Variants in DLGAP2 observed in about 807,000 individuals in gnomAD.
DLGAP2 encodes the protein disks large-associated protein 2.
Under a neutral mutation model 100.3 loss-of-function variants are expected in DLGAP2, and 26 were observed. That is an observed-to-expected ratio of 0.26 (90% CI 0.19 to 0.36). The LOEUF (loss-of-function observed/expected upper bound fraction) is 0.36, where lower values mean the gene tolerates loss of function less well. Ranked by LOEUF, DLGAP2 falls within the 10% of genes least tolerant of loss-of-function variation. DLGAP2 has a pLI of 1.00. For missense variants in DLGAP2, 1,858 were observed against 1,453.2 expected (o/e 1.28, Z -4.53); for synonymous variants, 886 against 630.1 (o/e 1.41, Z -6.08).
At chr8:1,135,590 G>A (rs894705993) in intron 2 of DLGAP2, among the ~76,000 whole-genome samples, 19 of 147,136 alleles carry the variant, frequency 1.3e-4, no homozygotes, top group Admixed American at 4.2e-4. Flanking sequence ...GAGACGGAGC[G>A]TGGCACACCT....
intron 3 of DLGAP2, among the ~76,000 whole-genome samples, chr8:1,448,838 T>G (rs1013220570): frequency 6.6e-6 from 1 of 152,206 alleles, no homozygotes; most frequent in African/African-American, 2.4e-5. Flanking sequence ...TGGAAAGATT[T>G]GGAGAAAGCC....
chr8:837,071 G>A (rs987133950), intron 1 of DLGAP2, among the ~76,000 whole-genome samples: 2 of 152,202 alleles, frequency 1.3e-5, no homozygotes, highest in African/African-American at 2.4e-5. Context: ...TCTCGACCAC[G>A]TCCCATCTCC....
At chr8:878,136 C>A (rs1563075419) in intron 1 of DLGAP2, among the ~76,000 whole-genome samples, 1 of 152,156 alleles carries the variant, frequency 6.6e-6, no homozygotes, top group South Asian at 2.1e-4. Context: ...GGAAGTCACT[C>A]TCCCATTTTT....
At chr8:1,516,559 ATGAG>A (rs1187998414) in intron 4 of DLGAP2, among the ~76,000 whole-genome samples, 3 of 145,556 alleles carry the variant, frequency 2.1e-5, no homozygotes. Flanking sequence ...GAGTGAGTGA[ATGAG>A]GGAGGGAGGG....
intron 2 of DLGAP2, among the ~76,000 whole-genome samples, chr8:921,635 G>A (rs755956949): frequency 7.9e-5 from 12 of 152,242 alleles, no homozygotes; most frequent in Non-Finnish European, 1.6e-4. Flanking sequence ...AAACTCCTCC[G>A]CTGGCAGCGC....
chr8:1,430,181 C>G (rs1157273478), intron 3 of DLGAP2, among the ~76,000 whole-genome samples: 1 of 151,006 alleles, frequency 6.6e-6, no homozygotes, highest in Non-Finnish European at 1.5e-5. Context: ...GTGACATTCT[C>G]TGCAAAAATA....
chr8:836,495 T>A (rs1227908092), intron 1 of DLGAP2, among the ~76,000 whole-genome samples: 4 of 152,280 alleles, frequency 2.6e-5, no homozygotes, highest in Middle Eastern at 6.8e-3. Context: ...TCCTGAGATC[T>A]CCTGGCAAGC....
At chr8:1,503,663 G>A (rs573797516) in intron 4 of DLGAP2, among the ~76,000 whole-genome samples, 1 of 152,256 alleles carries the variant, frequency 6.6e-6, no homozygotes, top group East Asian at 1.9e-4. Context: ...ATGGTGAAGC[G>A]ATGCTTCCTC....
At chr8:864,983 G>A (rs1192108188) in intron 1 of DLGAP2, among the ~76,000 whole-genome samples, 1 of 152,178 alleles carries the variant, frequency 6.6e-6, no homozygotes, top group African/African-American at 2.4e-5. Flanking sequence ...AGGAATCTCA[G>A]ATATAAACTT....
chr8:1,572,297 A>G (rs1332875243), intron 6 of DLGAP2, among the ~76,000 whole-genome samples: 85 of 94,348 alleles, frequency 9.0e-4, no homozygotes, highest in East Asian at 1.1e-3. Flanking sequence ...CTGTGGGGGC[A>G]TCTGATGAGA....
chr8:1,104,199 G>T (rs1351544242), intron 2 of DLGAP2, among the ~76,000 whole-genome samples: 1 of 152,182 alleles, frequency 6.6e-6, no homozygotes, highest in Non-Finnish European at 1.5e-5. Context: ...ATCCAGCCCC[G>T]GCCACGGTGG....
At chr8:1,367,697 G>C (rs1802139084) in intron 3 of DLGAP2, among the ~76,000 whole-genome samples, 1 of 152,200 alleles carries the variant, frequency 6.6e-6, no homozygotes, top group Non-Finnish European at 1.5e-5. Context: ...TTGTAACAAA[G>C]AGTGTTTAAT....
At chr8:804,199 C>G (rs1209131869) in intron 1 of DLGAP2, among the ~76,000 whole-genome samples, 3 of 152,128 alleles carry the variant, frequency 2.0e-5, no homozygotes, top group Admixed American at 6.5e-5. Context: ...TTATTATGCT[C>G]CCTGGAGTCA....
intron 2 of DLGAP2, among the ~76,000 whole-genome samples, chr8:1,189,027 C>T (rs1470836134): frequency 1.3e-5 from 2 of 149,336 alleles, no homozygotes; most frequent in African/African-American, 5.0e-5. Flanking sequence ...GGGTTCGGGC[C>T]CCATGGCGGT....
intron 2 of DLGAP2, among the ~76,000 whole-genome samples, chr8:1,161,341 G>A (rs746229912): frequency 2.6e-5 from 4 of 152,104 alleles, no homozygotes; most frequent in African/African-American, 4.8e-5. Flanking sequence ...GTGGAAAGGC[G>A]GGCTTAACGT....
chr8:1,609,148 G>C (rs1796916012), intron 6 of DLGAP2, among the ~76,000 whole-genome samples: 1 of 133,446 alleles, frequency 7.5e-6, no homozygotes, highest in Non-Finnish European at 1.7e-5. Context: ...GAGAAAGGTC[G>C]GGTTACCCTC....
chr8:1,111,668 C>G (rs1804962866), intron 2 of DLGAP2, among the ~76,000 whole-genome samples: 2 of 152,096 alleles, frequency 1.3e-5, no homozygotes, highest in Non-Finnish European at 2.9e-5. Context: ...TTGTTTTTCT[C>G]TTCCTGGGTT....
intron 6 of DLGAP2, among the ~76,000 whole-genome samples, chr8:1,624,816 C>T (rs1335150808): frequency 1.3e-5 from 2 of 151,630 alleles, no homozygotes; most frequent in Non-Finnish European, 2.9e-5. Flanking sequence ...AAATTAGAAT[C>T]AGCTCAAAAC....
At chr8:1,353,516 T>C (rs1462342243) in intron 3 of DLGAP2, among the ~76,000 whole-genome samples, 1 of 152,186 alleles carries the variant, frequency 6.6e-6, no homozygotes, top group Non-Finnish European at 1.5e-5. Flanking sequence ...CGTTTAAGGT[T>C]GGCCAGGCTA....
Sources: allele counts gnomAD v4.1 joint callset (sites outside exome capture counted in the v4.1 genomes callset), GRCh38; gene constraint gnomAD v4.1.1; transcripts MANE v1.5; gene names NCBI Gene and HGNC (gene_info 2026-07-23, HGNC 2026-07-21).